PRX: variants seen among roughly 807,000 people sequenced by gnomAD.
The protein encoded by PRX is periaxin.
Under a neutral mutation model 29.6 loss-of-function variants are expected in PRX, and 24 were observed. That is an observed-to-expected ratio of 0.81 (90% CI 0.59 to 1.14). The LOEUF is 1.14. Among genes scored for constraint, PRX ranks in the 50% most tolerant of loss-of-function variants. The pLI, the probability that PRX is intolerant of heterozygous loss-of-function variation, is 0.00. For synonymous variants in PRX, 772 were observed against 831.7 expected, an observed-to-expected ratio of 0.93 and a Z score of 1.24; for missense variants, 1,838 against 1,926.4, an observed-to-expected ratio of 0.95 and a Z score of 0.86.
chr19:40,397,797 G>C lies in PRX; in HGVS notation c.555C>G (p.Arg185=). The C allele has an allele frequency of 1.3e-6, 2 of 1,578,622 alleles. No homozygotes were observed. Among genetic ancestry groups the C allele is most frequent in the Non-Finnish European group, 1.7e-6 (2 of 1,162,970 alleles). The change falls in exon 7 of 7, where the codon CGC becomes CGG. Residue 185 remains arginine (R), a synonymous_variant. Transcript: ENST00000324001. ...VKGPVPAAPA[R]RRLQLPRLRV... ...GCAGCCGAGGCAGCTGGAGGCGCCG[G>C]CGGGCAGGGGCAGCCGGGACAGGAC...
chr19:40,395,681 C>T lies in PRX; in HGVS notation c.2671G>A (p.Val891Ile), dbSNP rs757934238. Residue 891 changes from valine to isoleucine, a missense_variant, in exon 7 of 7, where the codon GTC becomes ATC. This residue lies in a region of PRX where 1,143 missense variants were observed against 1,193.0 expected (regional missense o/e 0.96). Transcript: ENST00000324001. ...RVEGPEVAAG[V>I]REVGFRVPSV... ...GGCACTCGGAAGCCCACTTCCCTGACCCCTGCTGCCACCTCAGGGCCCTCC... is the reference window on the plus strand; with the variant it reads ...GGCACTCGGAAGCCCACTTCCCTGATCCCTGCTGCCACCTCAGGGCCCTCC... 1.9e-6 allele frequency: 3 copies of T among 1,614,016 alleles called. No homozygotes were observed. In the African/African-American group the frequency reaches 4.0e-5, roughly 22 times the overall value.
rs1487823466 is a variant in PRX at position 40,398,860 on chromosome 19, C to T, written c.185-44G>A. 2.5e-6 allele frequency: 4 copies of T among 1,613,192 alleles called. No homozygotes were observed. Among genetic ancestry groups the T allele is most frequent in the Non-Finnish European group, 2.5e-6 (3 of 1,179,800 alleles). On this transcript the variant is annotated intron_variant, in intron 5 of 6. Coordinates refer to ENST00000324001, the MANE Select transcript of PRX (RefSeq NM_181882.3). The surrounding 1 kb of genome is among the most constrained non-coding windows in gnomAD (Gnocchi z 6.3). ...TGCGCAGCACGTGGGCATCTCCCGG[C>T]TCCGCCCGGGCCTAGTTCTGCCCAC...
At chr19:40,409,128 A>G (rs886073308) in intron 1 of PRX, among the ~76,000 whole-genome samples, 1 of 152,098 alleles carries the variant, frequency 6.6e-6, no homozygotes, top group Non-Finnish European at 1.5e-5. Context: ...CTGGAATTAC[A>G]GGCATGAGCC....
chr19:40,401,790 C>T (rs904359220), intron 5 of PRX, among the ~76,000 whole-genome samples: 12 of 134,610 alleles, frequency 8.9e-5, no homozygotes, highest in Non-Finnish European at 1.6e-4. Flanking sequence ...TTTTTTTAGG[C>T]GGAGTTTTGC....
Position 40,394,278 on chromosome 19 carries a change from C to T in PRX, c.4074G>A (p.Glu1358=), listed in dbSNP as rs1417576781. 1 of 1,582,544 alleles carries T rather than the reference C, an allele frequency of 6.3e-7. No individual in the cohort carries two copies. The highest frequency in any genetic ancestry group is 8.6e-7 in the Non-Finnish European group (1 of 1,163,550). Residue 1358 remains glutamate (E), a synonymous_variant, in exon 7 of 7, where the codon GAG becomes GAA. Coordinates refer to ENST00000324001, the MANE Select transcript of PRX (RefSeq NM_181882.3). This position sits in a 1 kb window ranked among gnomAD's most constrained non-coding sequence, Gnocchi z 5.8. ...CCCCTTCCCCACTGCCCTCTTCCTC[C>T]TCCTCCTCCTCCTCCTCGGGGCTGG... ...GSPSPEEEEE[E]EEEGSGEGAS...
At chr19:40,411,610 G>A (rs934469392) in intron 1 of PRX, among the ~76,000 whole-genome samples, 1 of 151,998 alleles carries the variant, frequency 6.6e-6, no homozygotes, top group Non-Finnish European at 1.5e-5. Context: ...GCCTGGACAG[G>A]CACCCAGCCC....
intron 1 of PRX, among the ~76,000 whole-genome samples, chr19:40,411,586 CCTT>C (rs2079559102): frequency 6.6e-6 from 1 of 152,058 alleles, no homozygotes; most frequent in South Asian, 2.1e-4. Context: ...AGAGTGCCCT[CCTT>C]CTTCGTCCCT....
At chr19:40,399,463 C>G (rs927456268) in intron 5 of PRX, among the ~76,000 whole-genome samples, 1 of 152,222 alleles carries the variant, frequency 6.6e-6, no homozygotes, top group African/African-American at 2.4e-5. Flanking sequence ...GTTCTCCAGT[C>G]ACACCTCTGA....
rs2079427031 is a variant in PRX, at chr19:40,395,680, A to C, written c.2672T>G (p.Val891Gly). 1 of 1,613,906 alleles carries C rather than the reference A, an allele frequency of 6.2e-7. No individual in the cohort carries two copies. Among genetic ancestry groups the C allele is most frequent in the Admixed American group, 1.7e-5 (1 of 59,990 alleles). Reference protein sequence around the residue: ...RVEGPEVAAGVREVGFRVPSV... With the variant: ...RVEGPEVAAGGREVGFRVPSV... The stretch of plus-strand genomic sequence containing the variant: ...GGGCACTCGGAAGCCCACTTCCCTG[A>C]CCCCTGCTGCCACCTCAGGGCCCTC... Residue 891 changes from valine (V) to glycine (G), a missense_variant, in exon 7 of 7, where the codon GTC becomes GGC. By Grantham distance (109) the Val-to-Gly change is moderately radical. Coordinates refer to ENST00000324001, the MANE Select transcript of PRX (RefSeq NM_181882.3).
chr19:40,394,412 C>G lies in PRX; in HGVS notation c.3940G>C (p.Val1314Leu). ...LKVRLPRFGL[V>L]RAKEGAEEGE... Reference sequence around the variant, plus strand: ...TCCTCGGCCCCCTCCTTGGCCCGCACCAGGCCAAACCGGGGCAGCCGTACC... The same window carrying G: ...TCCTCGGCCCCCTCCTTGGCCCGCAGCAGGCCAAACCGGGGCAGCCGTACC... Residue 1314 changes from valine to leucine, a missense_variant, in exon 7 of 7, where the codon GTG (valine) becomes CTG (leucine). Val to Leu is a conservative substitution (Grantham distance 32). Transcript: ENST00000324001. This position sits in a 1 kb window ranked among gnomAD's most constrained non-coding sequence, Gnocchi z 5.8. 5 of 1,601,414 alleles carry G rather than the reference C, an allele frequency of 3.1e-6. No homozygotes were observed. The highest frequency in any genetic ancestry group is 4.3e-6 in the Non-Finnish European group (5 of 1,174,374).
At position 40,408,158 on chromosome 19, in the gene PRX, C is replaced by G; in HGVS notation, c.-100G>C. 1.6e-6 allele frequency: 1 copy of G among 618,992 alleles called. No homozygotes were observed. The highest frequency in any genetic ancestry group is 2.8e-5 in the East Asian group (1 of 36,264). 38.3% of individuals were successfully genotyped at this position (618,992 alleles called of 1,614,324 possible). The stretch of plus-strand genomic sequence containing the variant: ...GCCCCCACCCCAGCTGTCCTCTCAC[C>G]GCTGCCTGGGTGCAGGCACTTCCTC... On this transcript the variant is annotated splice_region_variant and 5_prime_UTR_variant, in exon 3 of 7. Transcript: ENST00000324001.
intron 4 of PRX, among the ~76,000 whole-genome samples, chr19:40,405,521 T>C (rs1165162107): frequency 1.3e-5 from 2 of 151,130 alleles, no homozygotes; most frequent in Non-Finnish European, 2.9e-5. Context: ...AGCAGGGCAG[T>C]CTGGGTAAGG....
Position 40,408,816 on chromosome 19 carries a change from GGTGT to G in PRX, c.-242-437_-242-434del, listed in dbSNP as rs575859236. ...CGGCTACGTTTTTGTTGTTGTTGGT[GGTGT>G]GTGTGTGTGTGTGTGTGTGTGTGTG... On this transcript the variant is annotated intron_variant, in intron 1 of 6. Transcript: ENST00000324001. Among the ~76,000 whole-genome samples, 491 of 143,368 alleles carry G rather than the reference GGTGT, an allele frequency of 3.4e-3. 1 individual carries two copies. Among genetic ancestry groups the G allele is most frequent in the South Asian group, 5.4e-3 (24 of 4,450 alleles). The allele number at this position is 143,368 out of a possible 152,430, so 94.1% of individuals were successfully genotyped here.
rs1568702275 is a variant in PRX at position 40,394,419 on chromosome 19, AAAC to A, written c.3930_3932del (p.Phe1311del). On this transcript the variant is annotated inframe_deletion, in exon 7 of 7. Coordinates refer to ENST00000324001, the MANE Select transcript of PRX (RefSeq NM_181882.3). The surrounding 1 kb of genome is among the most constrained non-coding windows in gnomAD (Gnocchi z 5.8). ...CCCCCTCCTTGGCCCGCACCAGGCC[AAAC>A]CGGGGCAGCCGTACCTTGAGCTTGT... 6.2e-7 allele frequency: 1 copy of A among 1,601,320 alleles called. No individual in the cohort carries two copies. Among genetic ancestry groups the A allele is most frequent in the East Asian group, 2.3e-5 (1 of 43,944 alleles).
rs1432743869 is a variant in PRX, at chr19:40,407,986, G to T, written c.-54C>A. On this transcript the variant is annotated 5_prime_UTR_variant, in exon 4 of 7. Transcript: ENST00000324001. Reference sequence around the variant, plus strand: ...GGCTCCTGTGTCCTCTCCCCTTTCTGCTGCAGAACCAGCTTCAGTTCTGCA... The same window carrying T: ...GGCTCCTGTGTCCTCTCCCCTTTCTTCTGCAGAACCAGCTTCAGTTCTGCA... The T allele has an allele frequency of 2.8e-5, 45 of 1,612,004 alleles. No individual in the cohort carries two copies. Among genetic ancestry groups the T allele is most frequent in the Non-Finnish European group, 3.6e-5 (43 of 1,179,448 alleles).
rs150772010 is a variant in PRX, at chr19:40,397,326, T to G, written c.1026A>C (p.Ala342=). Residue 342 remains alanine (A), a synonymous_variant, in exon 7 of 7, where the codon GCA becomes GCC. Coordinates refer to ENST00000324001, the MANE Select transcript of PRX (RefSeq NM_181882.3). ...GTGCCTCTCCCCGGGCCTCCACCTC[T>G]GCACCCGGCAAGGCCAGGTCCACCC... ...TVGVDLALPG[A]EVEARGEAPE... is the part of the protein sequence containing the mutation. The G allele has an allele frequency of 2.2e-4, 355 of 1,612,996 alleles. No individual in the cohort carries two copies. Among genetic ancestry groups the G allele is most frequent in the Non-Finnish European group, 2.9e-4 (337 of 1,179,950 alleles).
intron 4 of PRX, among the ~76,000 whole-genome samples, chr19:40,406,241 C>A (rs2079529570): frequency 6.8e-6 from 1 of 146,962 alleles, no homozygotes; most frequent in South Asian, 2.1e-4. Flanking sequence ...GACCAAGAAT[C>A]CGTCTCAAAA....
At position 40,394,091 on chromosome 19, in the gene PRX, C is replaced by T. The variant is rs891393791; in HGVS notation, c.4261G>A (p.Ala1421Thr). The change falls in exon 7 of 7, where the codon GCC becomes ACC. Residue 1421 changes from alanine (A) to threonine (T), a missense_variant. Around this residue, in one of 3 missense-constraint regions of PRX, gnomAD observed 1,143 missense variants for 1,193.0 expected, o/e 0.96. Coordinates refer to ENST00000324001, the MANE Select transcript of PRX (RefSeq NM_181882.3). This position sits in a 1 kb window ranked among gnomAD's most constrained non-coding sequence, Gnocchi z 5.8. ...TCCTGGTCCCCACTCCCACTCCGGGCCTTGGGGCTTAGGGACACCCTGGGG... is the reference window on the plus strand; with the variant it reads ...TCCTGGTCCCCACTCCCACTCCGGGTCTTGGGGCTTAGGGACACCCTGGGG... The part of the protein sequence containing the change: ...RFPRVSLSPK[A>T]RSGSGDQEEG... 2 of 1,611,066 alleles carry T rather than the reference C, an allele frequency of 1.2e-6. No homozygotes were observed. Among genetic ancestry groups the T allele is most frequent in the Non-Finnish European group, 1.7e-6 (2 of 1,177,750 alleles).
At chr19:40,407,841 T>C (rs2079539088) in intron 4 of PRX, 65 bp downstream of exon 4, 1 of 1,606,980 alleles carries the variant, frequency 6.2e-7, no homozygotes, top group Admixed American at 1.7e-5. Flanking sequence ...AGTGTCTCCT[T>C]GCTGCCCTAG....
Sources: allele counts gnomAD v4.1 joint callset (sites outside exome capture counted in the v4.1 genomes callset), GRCh38; gene constraint gnomAD v4.1.1; regional missense constraint gnomAD v4.1.1; non-coding constraint Gnocchi (gnomAD v3.1); transcripts MANE v1.5; gene names NCBI Gene and HGNC (gene_info 2026-07-23, HGNC 2026-07-21).